GDPD1: variants seen among roughly 807,000 people sequenced by gnomAD.
The protein encoded by GDPD1 is glycerophosphodiester phosphodiesterase domain containing 1, also known as lysophospholipase D GDPD1.
In GDPD1, 28 loss-of-function variants were observed where a neutral mutation model predicts 45.1. The observed-to-expected ratio is 0.62, with a 90% CI of 0.46 to 0.85. The LOEUF (loss-of-function observed/expected upper bound fraction) is 0.85. Among genes scored for constraint, GDPD1 ranks in the 40% least tolerant of loss-of-function variants. The pLI, the probability that GDPD1 is intolerant of heterozygous loss-of-function variation, is 0.00. For missense variants in GDPD1, 256 were observed against 364.8 expected (o/e 0.70, Z 2.43); for synonymous variants, 139 against 131.4 (o/e 1.06, Z -0.40).
At chr17:59,269,819 C>A (rs1267349614) in intron 7 of GDPD1, among the ~76,000 whole-genome samples, 2 of 152,000 alleles carry the variant, frequency 1.3e-5, no homozygotes, top group Non-Finnish European at 2.9e-5. Flanking sequence ...CAAGACTCTG[C>A]CAATAAATAA....
intron 4 of GDPD1, among the ~76,000 whole-genome samples, chr17:59,253,344 A>G (rs1158798105): frequency 6.6e-6 from 1 of 152,128 alleles, no homozygotes; most frequent in African/African-American, 2.4e-5. Context: ...TCTACATTCT[A>G]AGCTGGCTGA....
At chr17:59,224,944 G>A (rs950598916) in intron 1 of GDPD1, among the ~76,000 whole-genome samples, 1 of 152,068 alleles carries the variant, frequency 6.6e-6, no homozygotes, top group Non-Finnish European at 1.5e-5. Context: ...GAATCTTGCT[G>A]CTTTCTGTTA....
At chr17:59,246,329 A>G (rs966435004) in intron 3 of GDPD1, among the ~76,000 whole-genome samples, 1 of 151,564 alleles carries the variant, frequency 6.6e-6, no homozygotes, top group Non-Finnish European at 1.5e-5. Context: ...AAATTATAAC[A>G]TGATAATGGC....
chr17:59,240,161 C>T lies in GDPD1; in HGVS notation c.186-5253C>T, dbSNP rs537804361. On this transcript the variant is annotated intron_variant, in intron 2 of 9. Coordinates refer to ENST00000284116, the MANE Select transcript of GDPD1 (RefSeq NM_182569.4). ...ACAAAAATTAGTTGGCGTGGTGATG[C>T]GCGCTTGTAGTTCCAGCTACTCAGA... is the stretch of plus-strand genomic sequence containing the variant. Among the ~76,000 whole-genome samples, 23 of 151,972 alleles carry T rather than the reference C, an allele frequency of 1.5e-4. No homozygotes were observed. In the East Asian group the frequency reaches 3.1e-3, roughly 20 times the overall value.
At chr17:59,252,767 AG>A (rs2047265594) in intron 4 of GDPD1, among the ~76,000 whole-genome samples, 1 of 151,046 alleles carries the variant, frequency 6.6e-6, no homozygotes, top group African/African-American at 2.4e-5. Context: ...TGGGAGGTTG[AG>A]GCAGGAAGAT....
intron 1 of GDPD1, among the ~76,000 whole-genome samples, chr17:59,227,468 ACT>A (rs1284058159): frequency 6.6e-6 from 1 of 151,944 alleles, no homozygotes; most frequent in African/African-American, 2.4e-5. Flanking sequence ...AAGTTAGTTA[ACT>A]CTTTTTACAT....
intron 1 of GDPD1, among the ~76,000 whole-genome samples, chr17:59,233,436 C>G (rs1304084736): frequency 7.1e-6 from 1 of 139,878 alleles, no homozygotes; most frequent in Non-Finnish European, 1.5e-5. Context: ...GGCGTAAGCC[C>G]GGGAGGCGGA....
chr17:59,253,744 C>T (rs7225859), intron 4 of GDPD1, among the ~76,000 whole-genome samples: 66,991 of 151,730 alleles, frequency 0.44, 16,563 homozygotes, highest in African/African-American at 0.68. Context: ...GAGCTTCAAG[C>T]GTGAAGTCCC....
At position 59,226,239 on chromosome 17, in the gene GDPD1, T is replaced by G. The variant is rs565802976; in HGVS notation, c.142+5488T>G. 4.6e-5 allele frequency among the ~76,000 whole-genome samples: 7 copies of G among 152,312 alleles called. 1 individual carries two copies. The South Asian group carries it at 1.4e-3, about 32-fold the overall frequency. On this transcript the variant is annotated intron_variant, in intron 1 of 9. Coordinates refer to ENST00000284116, the MANE Select transcript of GDPD1 (RefSeq NM_182569.4). ...TTTTTAGAAATATTTTGTGGTGCTT[T>G]GTTTTTGAATATTATCTGAATATAA...
intron 3 of GDPD1, among the ~76,000 whole-genome samples, chr17:59,248,269 G>A (rs1380942541): frequency 2.0e-5 from 3 of 151,176 alleles, no homozygotes; most frequent in African/African-American, 2.4e-5. Flanking sequence ...ACTGCACTCC[G>A]GCCCAGGCAA....
intron 1 of GDPD1, among the ~76,000 whole-genome samples, chr17:59,231,491 T>G (rs2047089906): frequency 6.6e-6 from 1 of 151,576 alleles, no homozygotes; most frequent in Non-Finnish European, 1.5e-5. Flanking sequence ...CATGCCCAGC[T>G]AATTTTTTGT....
At chr17:59,245,868 C>T (rs2047206875) in intron 3 of GDPD1, among the ~76,000 whole-genome samples, 1 of 152,040 alleles carries the variant, frequency 6.6e-6, no homozygotes, top group Non-Finnish European at 1.5e-5. Context: ...CACCTGTAAG[C>T]CCAGCACTTT....
intron 1 of GDPD1, among the ~76,000 whole-genome samples, chr17:59,227,935 C>T (rs1159848562): frequency 2.0e-5 from 3 of 151,938 alleles, no homozygotes; most frequent in African/African-American, 2.4e-5. Flanking sequence ...TTTGGGAGGC[C>T]GAGGTGGGAG....
intron 1 of GDPD1, among the ~76,000 whole-genome samples, chr17:59,221,031 A>T (rs1426662676): frequency 6.6e-6 from 1 of 151,998 alleles, no homozygotes; most frequent in East Asian, 1.9e-4. Context: ...AATGAAGGGT[A>T]GGTGGAGCGT....
intron 2 of GDPD1, among the ~76,000 whole-genome samples, chr17:59,239,797 CTG>C (rs2147882602): frequency 6.7e-6 from 1 of 149,420 alleles, no homozygotes; most frequent in South Asian, 2.1e-4. Flanking sequence ...ATAGGACACA[CTG>C]TTTTTTTTTT....
At chr17:59,224,118 G>A (rs547378646) in intron 1 of GDPD1, among the ~76,000 whole-genome samples, 21 of 152,202 alleles carry the variant, frequency 1.4e-4, no homozygotes, top group Non-Finnish European at 2.8e-4. Context: ...ATTGCATACC[G>A]TGTCAACATA....
rs779406012 is a variant in GDPD1 at position 59,220,656 on chromosome 17, A to G, written c.47A>G (p.Tyr16Cys). ...TACCTTCTCTCTACGCTAGGAGGATACTTGGTGACCTCATTCTTGTTGCTT... is the reference window on the plus strand; with the variant it reads ...TACCTTCTCTCTACGCTAGGAGGATGCTTGGTGACCTCATTCTTGTTGCTT... ...AFYLLSTLGG[Y>C]LVTSFLLLKY... is the part of the protein sequence containing the mutation. The change falls in exon 1 of 10, where the codon TAC (tyrosine) becomes TGC (cysteine). Residue 16 changes from tyrosine to cysteine, a missense_variant. By Grantham distance (194) the Tyr-to-Cys change is radical. Coordinates refer to ENST00000284116, the MANE Select transcript of GDPD1 (RefSeq NM_182569.4). The G allele has an allele frequency of 5.0e-6, 8 of 1,614,100 alleles. No homozygotes were observed. The highest frequency in any genetic ancestry group is 5.1e-6 in the Non-Finnish European group (6 of 1,179,976).
rs1194362809 is a variant in GDPD1, at chr17:59,256,725, A to G, written c.368-397A>G. 1.1e-4 allele frequency among the ~76,000 whole-genome samples: 16 copies of G among 152,192 alleles called. No homozygotes were observed. The East Asian group carries it at 3.1e-3, about 29-fold the overall frequency. On this transcript the variant is annotated intron_variant, in intron 4 of 9. Coordinates refer to ENST00000284116, the MANE Select transcript of GDPD1 (RefSeq NM_182569.4). ...ACTATAGATTTGCAAGAAGGTTACC[A>G]CTGGGAAATCTGGGTAAAGGGTACA...
chr17:59,224,305 T>C (rs1287642491), intron 1 of GDPD1, among the ~76,000 whole-genome samples: 1 of 152,000 alleles, frequency 6.6e-6, no homozygotes, highest in East Asian at 1.9e-4. Context: ...AATGACCTTT[T>C]AAGAAACTAC....
Sources: allele counts gnomAD v4.1 joint callset (sites outside exome capture counted in the v4.1 genomes callset), GRCh38; gene constraint gnomAD v4.1.1; transcripts MANE v1.5; gene names NCBI Gene and HGNC (gene_info 2026-07-23, HGNC 2026-07-21).